Variants in PRELID2 observed in about 807,000 individuals in gnomAD.
The protein encoded by PRELID2 is PRELI domain containing 2.
PRELID2 carries 25 observed loss-of-function variants against 28.4 expected under a neutral mutation model. The observed-to-expected ratio is 0.88, with a 90% CI of 0.64 to 1.23. PRELID2 has a LOEUF of 1.23. Ranked by LOEUF, PRELID2 falls within the 50% of genes most tolerant of loss-of-function variation. The pLI is 0.00. For synonymous variants in PRELID2, 76 were observed against 71.6 expected (o/e 1.06, Z -0.31); for missense variants, 201 against 214.4 (o/e 0.94, Z 0.39).
intron 1 of PRELID2, among the ~76,000 whole-genome samples, chr5:145,557,427 A>C (rs78417502): frequency 6.6e-6 from 1 of 152,324 alleles, no homozygotes; most frequent in African/African-American, 2.4e-5. Context: ...AACAGATGAC[A>C]ATCCACATGA....
At chr5:145,271,540 T>A in the PRELID2 span, among the ~76,000 whole-genome samples, 1 of 152,168 alleles carries the variant, frequency 6.6e-6, no homozygotes, top group Non-Finnish European at 1.5e-5. Flanking sequence ...TAAGATTTGG[T>A]AATCAAATCT....
At chr5:145,341,466 G>A in the PRELID2 span, among the ~76,000 whole-genome samples, 1 of 152,032 alleles carries the variant, frequency 6.6e-6, no homozygotes, top group South Asian at 2.1e-4. Context: ...CTTGAACCTG[G>A]GAGGTGGAGA....
Position 145,487,898 on chromosome 5 carries a change from G to A in PRELID2, n.71-14583C>T, listed in dbSNP as rs547109144. ...CCAGGACTTTGGGAGGCTGAGGTGG[G>A]TGGATCATGAGGTCAGGAGATCGAG... On this transcript the variant is annotated intron_variant and non_coding_transcript_variant, in intron 1 of 2. Coordinates refer to the PRELID2 transcript ENST00000510259. Among the ~76,000 whole-genome samples the A allele has an allele frequency of 9.9e-5, 15 of 152,014 alleles. No homozygotes were observed. The South Asian group carries it at 1.7e-3, about 17-fold the overall frequency.
chr5:145,709,313 A>G (rs958317417), intron 1 of PRELID2, among the ~76,000 whole-genome samples: 2 of 152,188 alleles, frequency 1.3e-5, no homozygotes, highest in Non-Finnish European at 2.9e-5. Context: ...ATAATTAAGT[A>G]GCTTTCTGTG....
In PRELID2 at chr5:145,569,751, G is replaced by A. The variant is rs531367378; in HGVS notation, n.71-96436C>T. Among the ~76,000 whole-genome samples, 27 of 152,320 alleles carry A rather than the reference G, an allele frequency of 1.8e-4. 1 individual carries two copies. The East Asian group carries it at 4.2e-3, about 24-fold the overall frequency. On this transcript the variant is annotated intron_variant and non_coding_transcript_variant, in intron 1 of 2. Transcript: ENST00000510259. ...TTAGACATTTTGTCAGGCAACAAATGTTCATTGAGGATTTACTGTGTGCCC... is the reference window on the plus strand; with the variant it reads ...TTAGACATTTTGTCAGGCAACAAATATTCATTGAGGATTTACTGTGTGCCC...
chr5:145,775,899 C>T (rs951775431), intron 5 of PRELID2, among the ~76,000 whole-genome samples: 2 of 151,852 alleles, frequency 1.3e-5, no homozygotes, highest in African/African-American at 4.8e-5. Context: ...ACACACTTAA[C>T]ATTACAAATT....
the PRELID2 span, among the ~76,000 whole-genome samples, chr5:145,423,714 C>A: frequency 7.1e-5 from 8 of 112,628 alleles, no homozygotes; most frequent in East Asian, 1.5e-3. Flanking sequence ...ATTTGATCGT[C>A]TGAAGCCTTC....
intron 1 of PRELID2, among the ~76,000 whole-genome samples, chr5:145,665,318 C>T (rs191370669): frequency 6.6e-6 from 1 of 152,138 alleles, no homozygotes; most frequent in Admixed American, 6.6e-5. Context: ...CATTGGCAAT[C>T]GCTGTCTGGA....
rs1225677908 is a variant in PRELID2 at position 145,587,325 on chromosome 5, G to A, written n.71-114010C>T. Among the ~76,000 whole-genome samples, 19 of 152,118 alleles carry A rather than the reference G, an allele frequency of 1.2e-4. 1 individual carries two copies. Among genetic ancestry groups the A allele is most frequent in the African/African-American group, 2.4e-5 (1 of 41,440 alleles). ...GAGCTTGGAGAATGCAGAGACTTAC[G>A]TTATCCTTTGTGGCAAAGCAGTTTA... On this transcript the variant is annotated intron_variant and non_coding_transcript_variant, in intron 1 of 2. Transcript: ENST00000510259.
intron 1 of PRELID2, among the ~76,000 whole-genome samples, chr5:145,517,351 G>A (rs6859387): frequency 0.027 from 4,089 of 151,990 alleles, 193 homozygotes; most frequent in African/African-American, 0.092. Flanking sequence ...GACACTTCTC[G>A]AAAGAAGACA....
chr5:145,642,980 G>A (rs1410782019), intron 1 of PRELID2, among the ~76,000 whole-genome samples: 1 of 152,124 alleles, frequency 6.6e-6, no homozygotes, highest in Non-Finnish European at 1.5e-5. Flanking sequence ...TTTGGCTTAG[G>A]ATTGTCTTGG....
the PRELID2 span, among the ~76,000 whole-genome samples, chr5:145,360,383 A>G: frequency 1.6e-4 from 25 of 152,144 alleles, no homozygotes; most frequent in African/African-American, 5.8e-4. Flanking sequence ...AGTGTAGCCA[A>G]TAGAGAACTG....
the PRELID2 span, among the ~76,000 whole-genome samples, chr5:145,378,075 C>A: frequency 6.6e-6 from 1 of 152,240 alleles, no homozygotes; most frequent in African/African-American, 2.4e-5. Flanking sequence ...ATATAAAATT[C>A]TGGATTGGAA....
the PRELID2 span, among the ~76,000 whole-genome samples, chr5:145,342,142 T>C: frequency 6.6e-6 from 1 of 152,186 alleles, no homozygotes; most frequent in Non-Finnish European, 1.5e-5. Context: ...CAGCGAAGAA[T>C]ACTACATTCA....
At chr5:145,402,767 C>A in the PRELID2 span, among the ~76,000 whole-genome samples, 1 of 152,106 alleles carries the variant, frequency 6.6e-6, no homozygotes, top group African/African-American at 2.4e-5. Flanking sequence ...AAGTCAGATG[C>A]CTGATAGTGA....
chr5:145,447,977 G>A, the PRELID2 span, among the ~76,000 whole-genome samples: 1 of 152,060 alleles, frequency 6.6e-6, no homozygotes, highest in Non-Finnish European at 1.5e-5. Context: ...AGCCCTTTGG[G>A]TATATACCCA....
chr5:145,727,048 A>C (rs1278167331), intron 1 of PRELID2, among the ~76,000 whole-genome samples: 1 of 152,250 alleles, frequency 6.6e-6, no homozygotes, highest in Non-Finnish European at 1.5e-5. Context: ...GTGAAGGCCC[A>C]GAGTTCTGGA....
intron 1 of PRELID2, among the ~76,000 whole-genome samples, chr5:145,609,071 T>C (rs1295987972): frequency 6.6e-6 from 1 of 152,252 alleles, no homozygotes; most frequent in Non-Finnish European, 1.5e-5. Context: ...CTTGCAATTA[T>C]ATTATGAAAT....
chr5:145,360,796 A>C, the PRELID2 span, among the ~76,000 whole-genome samples: 2 of 152,150 alleles, frequency 1.3e-5, no homozygotes, highest in Non-Finnish European at 2.9e-5. Context: ...TTTCTAGTTC[A>C]TAATTTCTCT....
Sources: gnomAD v4.1 joint callset for allele counts (sites outside exome capture counted in the v4.1 genomes callset) on GRCh38, gnomAD v4.1.1 for gene constraint, MANE v1.5 for transcripts, NCBI Gene and HGNC (gene_info 2026-07-23, HGNC 2026-07-21) for gene names.